The following SETD1A variants were observed in gnomAD, a reference collection of about 807,000 sequenced individuals.
SETD1A encodes SET domain containing 1A, histone lysine methyltransferase, also known as histone-lysine N-methyltransferase SETD1A.
SETD1A carries 29 observed loss-of-function variants against 149.9 expected under a neutral mutation model. That is an observed-to-expected ratio of 0.19 (90% CI 0.14 to 0.26). SETD1A has a LOEUF of 0.26. Among genes scored for constraint, SETD1A ranks in the 10% least tolerant of loss-of-function variants. The probability of loss-of-function intolerance (pLI) is 1.00; values close to 1 mark genes in which losing one functional copy is unlikely to be tolerated. For synonymous variants in SETD1A, 1,141 were observed against 968.5 expected (o/e 1.18, Z -3.31); for missense variants, 2,109 against 2,353.1 (o/e 0.90, Z 2.15).
At chr16:30,967,133 G>C in intron 9 of SETD1A, 73 bp downstream of exon 9, 1 of 1,135,792 alleles carries the variant, frequency 8.8e-7, no homozygotes, top group Non-Finnish European at 1.2e-6. Context: ...GGGTAGGGGT[G>C]GTCAGGAACC....
intron 5 of SETD1A, 86 bp downstream of exon 5, chr16:30,963,640 C>T (rs184307995): frequency 5.7e-6 from 8 of 1,401,354 alleles, no homozygotes; most frequent in East Asian, 5.0e-5. Context: ...CGGGAGGTTC[C>T]GGGCTTTCCC....
chr16:30,967,364 G>A (rs577576737), intron 9 of SETD1A, 137 bp from the exon 10 acceptor site: 30 of 783,320 alleles, frequency 3.8e-5, no homozygotes, highest in Middle Eastern at 2.3e-4. Context: ...GTGTTGGCCA[G>A]GCTGGTCTTG....
In SETD1A at chr16:30,979,471, G is replaced by A. The variant is rs1243155252; in HGVS notation, c.3685G>A (p.Gly1229Ser). 3.8e-6 allele frequency: 6 copies of A among 1,599,332 alleles called. No homozygotes were observed. Among genetic ancestry groups the A allele is most frequent in the Non-Finnish European group, 5.1e-6 (6 of 1,173,340 alleles). Residue 1229 changes from glycine to serine, a missense_variant, in exon 14 of 19, where the codon GGC becomes AGC. Transcript: ENST00000262519. ...TTGGCCCGAGGAGGTGTCCCGAGGAGGCCGGAGCCGGGCTGGAGGCCGAGG... is the reference window on the plus strand; with the variant it reads ...TTGGCCCGAGGAGGTGTCCCGAGGAAGCCGGAGCCGGGCTGGAGGCCGAGG... The part of the protein sequence containing the change: ...KSWPEEVSRG[G>S]RSRAGGRGRL...
rs780371433 is a variant in SETD1A, at chr16:30,980,779, G to A, written c.4622G>A (p.Arg1541Gln). The change falls in exon 16 of 19, where the codon CGG (arginine) becomes CAG (glutamine). Residue 1541 changes from arginine to glutamine, a missense_variant. Arg to Gln is a conservative substitution (Grantham distance 43). Transcript: ENST00000262519. The surrounding 1 kb of genome is among the most constrained non-coding windows in gnomAD (Gnocchi z 7.7). Reference sequence around the variant, plus strand: ...CTGTCCGAGCGCCGGTCCGAGCAGCGGCGGCTGCTGAGCGCCATCGGTACC... The same window carrying A: ...CTGTCCGAGCGCCGGTCCGAGCAGCAGCGGCTGCTGAGCGCCATCGGTACC... ...RVLSERRSEQ[R>Q]RLLSAIGTSA... 1.9e-6 allele frequency: 3 copies of A among 1,612,766 alleles called. No homozygotes were observed. The highest frequency in any genetic ancestry group is 1.7e-6 in the Non-Finnish European group (2 of 1,179,890).
At position 30,980,939 on chromosome 16, in the gene SETD1A, TC is replaced by T; in HGVS notation, c.4692+93del. ...GGACCACCCAGCAGGCTCCTGTGGTTCCCTCGGGTGGAGTTGGGGGGTAAGC... is the reference window on the plus strand; with the variant it reads ...GGACCACCCAGCAGGCTCCTGTGGTTCCTCGGGTGGAGTTGGGGGGTAAGC... On this transcript the variant is annotated intron_variant, in intron 16 of 18. Coordinates refer to ENST00000262519, the MANE Select transcript of SETD1A (RefSeq NM_014712.3). The surrounding 1 kb of genome is among the most constrained non-coding windows in gnomAD (Gnocchi z 7.7). 6.4e-7 allele frequency: 1 copy of T among 1,564,464 alleles called. No individual in the cohort carries two copies. The highest frequency in any genetic ancestry group is 8.7e-7 in the Non-Finnish European group (1 of 1,146,198).
chr16:30,974,770 G>A (rs1429580510), intron 13 of SETD1A, among the ~76,000 whole-genome samples: 1 of 152,138 alleles, frequency 6.6e-6, no homozygotes, highest in Non-Finnish European at 1.5e-5. Flanking sequence ...ACTTTGGGAG[G>A]CTGAGGTGGG....
In SETD1A at chr16:30,980,039, G is replaced by T. The variant is rs780201772; in HGVS notation, c.4253G>T (p.Arg1418Leu). 3 of 1,346,916 alleles carry T rather than the reference G, an allele frequency of 2.2e-6. No individual in the cohort carries two copies. Among genetic ancestry groups the T allele is most frequent in the South Asian group, 2.3e-5 (2 of 85,896 alleles). The allele number at this position is 1,346,916 out of a possible 1,614,324, so 83.4% of individuals were successfully genotyped here. The change falls in exon 14 of 19, where the codon CGC becomes CTC. Residue 1418 changes from arginine to leucine, a missense_variant. Arg to Leu is a moderately radical substitution (Grantham distance 102, BLOSUM62 -2). Around this residue, in one of 8 missense-constraint regions of SETD1A, gnomAD observed 832 missense variants for 815.6 expected, o/e 1.02. Coordinates refer to ENST00000262519, the MANE Select transcript of SETD1A (RefSeq NM_014712.3). The surrounding 1 kb of genome is among the most constrained non-coding windows in gnomAD (Gnocchi z 7.7). ...CCACCGCCCCGCGCCTACGAGCCAC[G>T]CAGTGAGTTTGAACAGATGACCATC... is the stretch of plus-strand genomic sequence containing the variant. ...PPPPPRAYEP[R>L]SEFEQMTILY...
In SETD1A at chr16:30,961,509, C is replaced by T; in HGVS notation, c.489C>T (p.Asn163=). Residue 163 remains asparagine (N), a synonymous_variant, in exon 4 of 19, where the codon AAC becomes AAT. Transcript: ENST00000262519. This position sits in a 1 kb window ranked among gnomAD's most constrained non-coding sequence, Gnocchi z 4.0. ...KNLHLTSVMG[N]IIHAQLDIKG... ...TCCACCTTACCTCCGTCATGGGCAA[C>T]ATCATCCATGCCCAGCTTGACATCA... The T allele has an allele frequency of 1.2e-6, 2 of 1,614,088 alleles. No individual in the cohort carries two copies. Among genetic ancestry groups the T allele is most frequent in the Non-Finnish European group, 1.7e-6 (2 of 1,179,996 alleles).
At position 30,979,426 on chromosome 16, in the gene SETD1A, C is replaced by G; in HGVS notation, c.3640C>G (p.His1214Asp). ...ERTIRNLPLD[H>D]ASLVKSWPEE... ...GACCATCCGCAACCTGCCCCTGGAC[C>G]ACGCATCTCTGGTCAAGAGTTGGCC... Residue 1214 changes from histidine to aspartate, a missense_variant, in exon 14 of 19, where the codon CAC (histidine) becomes GAC (aspartate). Around this residue, in one of 8 missense-constraint regions of SETD1A, gnomAD observed 832 missense variants for 815.6 expected, o/e 1.02. Coordinates refer to ENST00000262519, the MANE Select transcript of SETD1A (RefSeq NM_014712.3). 6.2e-7 allele frequency: 1 copy of G among 1,609,888 alleles called. No homozygotes were observed. The highest frequency in any genetic ancestry group is 8.5e-7 in the Non-Finnish European group (1 of 1,178,290).
Position 30,983,501 on chromosome 16 carries a change from C to T in SETD1A, c.4813-134C>T, listed in dbSNP as rs1410353479. 1.1e-5 allele frequency: 11 copies of T among 1,029,484 alleles called. No individual in the cohort carries two copies. The highest frequency in any genetic ancestry group is 2.3e-5 in the Admixed American group (1 of 42,702). The allele number at this position is 1,029,484 out of a possible 1,614,324, so 63.8% of individuals were successfully genotyped here. A position where few individuals can be genotyped will look rare whatever the true frequency, so the allele number is the denominator to read the frequency against. On this transcript the variant is annotated intron_variant, in intron 17 of 18. Transcript: ENST00000262519. This position sits in a 1 kb window ranked among gnomAD's most constrained non-coding sequence, Gnocchi z 6.8. ...GAAGCAGAGTCGAGAGAGTCAGTGC[C>T]GGGTTAGCGGGAGCTGGAGGCAGAG...
chr16:30,964,996 C>T lies in SETD1A; in HGVS notation c.1254C>T (p.Ser418=). The T allele has an allele frequency of 1.2e-6, 2 of 1,613,812 alleles. No homozygotes were observed. The highest frequency in any genetic ancestry group is 2.2e-5 in the South Asian group (2 of 91,072). ...SYTSYLPPEP[S]RPTDQDYRPP... is the part of the protein sequence containing the mutation. ...CCTCCTACCTGCCCCCCGAGCCCAG[C>T]CGGCCCACCGACCAGGACTACCGGC... Residue 418 remains serine (S), a synonymous_variant, in exon 7 of 19, where the codon AGC becomes AGT. Transcript: ENST00000262519.
intron 16 of SETD1A, 36 bp from the exon 17 acceptor site, chr16:30,981,025 G>A (rs2056369916): frequency 2.5e-6 from 4 of 1,612,584 alleles, no homozygotes; most frequent in Non-Finnish European, 3.4e-6. Flanking sequence ...GGGTGTGGGA[G>A]GTGTCTGGCA....
Position 30,959,122 on chromosome 16 carries a change from A to G in SETD1A, c.182A>G (p.Gln61Arg), listed in dbSNP as rs775126393. ...AAGTATATACCAGTCGAAGACCTCCAAGACCCCCGTTGCCATGTCAGGTCC... is the reference window on the plus strand; with the variant it reads ...AAGTATATACCAGTCGAAGACCTCCGAGACCCCCGTTGCCATGTCAGGTCC... ...DSKYIPVEDL[Q>R]DPRCHVRSKN... The change falls in exon 3 of 19, where the codon CAA becomes CGA. Residue 61 changes from glutamine (Q) to arginine (R), a missense_variant. Gln to Arg is a conservative substitution (Grantham distance 43). Around this residue, in one of 8 missense-constraint regions of SETD1A, gnomAD observed 75 missense variants for 95.3 expected, o/e 0.79. Coordinates refer to ENST00000262519, the MANE Select transcript of SETD1A (RefSeq NM_014712.3). 1.9e-6 allele frequency: 3 copies of G among 1,613,774 alleles called. No individual in the cohort carries two copies. In the South Asian group the frequency reaches 3.3e-5, roughly 18 times the overall value.
chr16:30,977,107 C>G (rs554104637), intron 13 of SETD1A, among the ~76,000 whole-genome samples: 1 of 152,110 alleles, frequency 6.6e-6, no homozygotes, highest in Non-Finnish European at 1.5e-5. Context: ...CCATCACGCC[C>G]GCTAATTTTT....
In SETD1A at chr16:30,984,206, C is replaced by A; in HGVS notation, c.*183C>A. ...TGGAGGCAGCTTCTGCCTCTCCTGT[C>A]ACCCCTGCCCACCACCCCCTGATTG... On this transcript the variant is annotated 3_prime_UTR_variant, in exon 19 of 19. Transcript: ENST00000262519. 3 of 586,712 alleles carry A rather than the reference C, an allele frequency of 5.1e-6. No individual in the cohort carries two copies. Among genetic ancestry groups the A allele is most frequent in the South Asian group, 2.1e-5 (1 of 47,986 alleles). 36.3% of individuals were successfully genotyped at this position (586,712 alleles called of 1,614,324 possible).
rs2056422676 is a variant in SETD1A, at chr16:30,984,127, C to T, written c.*104C>T. On this transcript the variant is annotated 3_prime_UTR_variant, in exon 19 of 19. Transcript: ENST00000262519. Reference sequence around the variant, plus strand: ...GGGCTCAGCAGGGCCCACATGCCCCCATCTCCAAGCGTGGGGTTGGGGGCC... The same window carrying T: ...GGGCTCAGCAGGGCCCACATGCCCCTATCTCCAAGCGTGGGGTTGGGGGCC... 3 of 1,119,070 alleles carry T rather than the reference C, an allele frequency of 2.7e-6. No homozygotes were observed. The highest frequency in any genetic ancestry group is 3.1e-5 in the African/African-American group (2 of 63,526). 69.3% of individuals were successfully genotyped at this position (1,119,070 alleles called of 1,614,324 possible). A position where few individuals can be genotyped will look rare whatever the true frequency, so the allele number is the denominator to read the frequency against.
In SETD1A at chr16:30,984,096, C is replaced by T. The variant is rs1373629125; in HGVS notation, c.*73C>T. 2.1e-6 allele frequency: 3 copies of T among 1,416,320 alleles called. No individual in the cohort carries two copies. Among genetic ancestry groups the T allele is most frequent in the African/African-American group, 2.8e-5 (2 of 70,382 alleles). The allele number at this position is 1,416,320 out of a possible 1,614,324, so 87.7% of individuals were successfully genotyped here. ...CCTGAGCTCCCAGCACCCCCCCAGC[C>T]TTAGTGGGCTCAGCAGGGCCCACAT... On this transcript the variant is annotated 3_prime_UTR_variant, in exon 19 of 19. Coordinates refer to ENST00000262519, the MANE Select transcript of SETD1A (RefSeq NM_014712.3).
chr16:30,983,971 A>G lies in SETD1A; in HGVS notation c.5072A>G (p.Asn1691Ser), dbSNP rs1261199443. 1 of 1,614,018 alleles carries G rather than the reference A, an allele frequency of 6.2e-7. No individual in the cohort carries two copies. Among genetic ancestry groups the G allele is most frequent in the Non-Finnish European group, 8.5e-7 (1 of 1,180,002 alleles). Residue 1691 changes from asparagine (N) to serine (S), a missense_variant, in exon 19 of 19, where the codon AAC becomes AGC. Coordinates refer to ENST00000262519, the MANE Select transcript of SETD1A (RefSeq NM_014712.3). This position sits in a 1 kb window ranked among gnomAD's most constrained non-coding sequence, Gnocchi z 6.8. ...TYDYKFPLEDNKIPCLCGTES... is the reference protein window; with the variant it reads ...TYDYKFPLEDSKIPCLCGTES... ...GACTACAAGTTCCCACTGGAAGACAACAAGATCCCGTGTCTGTGTGGCACA... is the reference window on the plus strand; with the variant it reads ...GACTACAAGTTCCCACTGGAAGACAGCAAGATCCCGTGTCTGTGTGGCACA...
At chr16:30,967,477 C>T (rs1240677514) in intron 9 of SETD1A, 24 bp from the exon 10 acceptor site, 2 of 1,608,808 alleles carry the variant, frequency 1.2e-6, no homozygotes, top group Middle Eastern at 1.6e-4. Flanking sequence ...TCTAAACAGG[C>T]CCCATCTTTT....
Sources: gnomAD v4.1 joint callset for allele counts (sites outside exome capture counted in the v4.1 genomes callset) on GRCh38, gnomAD v4.1.1 for gene constraint, gnomAD v4.1.1 regional missense constraint, Gnocchi (gnomAD v3.1) non-coding constraint, MANE v1.5 for transcripts, NCBI Gene and HGNC (gene_info 2026-07-23, HGNC 2026-07-21) for gene names.